N4BP2: variants seen among roughly 807,000 people sequenced by gnomAD.
N4BP2 encodes the protein NEDD4 binding protein 2, also known as NEDD4-binding protein 2.
Under a neutral mutation model 152.8 loss-of-function variants are expected in N4BP2, and 91 were observed. The ratio of observed to expected loss-of-function variants is 0.60; its 90% CI spans 0.50 to 0.71. The LOEUF is 0.71. Among genes scored for constraint, N4BP2 ranks in the 30% least tolerant of loss-of-function variants. The pLI is 0.00. For missense variants in N4BP2, 1,923 were observed against 2,059.1 expected (o/e 0.93, Z 1.28); for synonymous variants, 646 against 705.3 (o/e 0.92, Z 1.33).
At chr4:40,147,289 GAA>G (rs1408622286) in intron 16 of N4BP2, among the ~76,000 whole-genome samples, 6 of 152,150 alleles carry the variant, frequency 3.9e-5, no homozygotes, top group Non-Finnish European at 7.3e-5. Context: ...AGAACAAAAT[GAA>G]AAGTCTCCCA....
At chr4:40,176,130 G>A in the N4BP2 span, among the ~76,000 whole-genome samples, 1 of 150,172 alleles carries the variant, frequency 6.7e-6, no homozygotes, top group Non-Finnish European at 1.5e-5. Flanking sequence ...AACAAATTTT[G>A]ATGATTTTCC....
In N4BP2 at chr4:40,102,396, C is replaced by T. The variant is rs1349460352; in HGVS notation, c.551C>T (p.Ser184Leu). Residue 184 changes from serine (S) to leucine (L), a missense_variant, in exon 4 of 18, where the codon TCA (serine) becomes TTA (leucine). Transcript: ENST00000261435. Reference sequence around the variant, plus strand: ...TCAAGTGAGTTTATAAATCCTGATTCAAGTAATATGACTCCCATTTTTTCT... The same window carrying T: ...TCAAGTGAGTTTATAAATCCTGATTTAAGTAATATGACTCCCATTTTTTCT... ...NDSSEFINPD[S>L]SNMTPIFSTQ... 1.2e-6 allele frequency: 2 copies of T among 1,611,516 alleles called. No individual in the cohort carries two copies. Among genetic ancestry groups the T allele is most frequent in the Non-Finnish European group, 8.5e-7 (1 of 1,178,976 alleles).
intron 1 of N4BP2, among the ~76,000 whole-genome samples, chr4:40,063,693 G>T (rs963625824): frequency 2.0e-5 from 3 of 151,954 alleles, no homozygotes; most frequent in Non-Finnish European, 2.9e-5. Context: ...GCCCAGGCTG[G>T]AGTGCAATGG....
rs1172165587 is a variant in N4BP2 at position 40,131,916 on chromosome 4, A to G, written c.4643A>G (p.His1548Arg). ...QNFLVDIFKD[H>R]NYSLEHTVQF... ...TTTCTGGTGGACATTTTCAAGGACC[A>G]CAAGTGAGTGCTAGAAGGATTGTCT... The change falls in exon 13 of 18, where the codon CAC becomes CGC. Residue 1548 changes from histidine to arginine, a missense_variant. By Grantham distance (29) the His-to-Arg change is conservative. Coordinates refer to ENST00000261435, the MANE Select transcript of N4BP2 (RefSeq NM_018177.6). 5 of 1,551,336 alleles carry G rather than the reference A, an allele frequency of 3.2e-6. No individual in the cohort carries two copies. The Admixed American group carries it at 5.0e-5, about 16-fold the overall frequency.
chr4:40,179,909 C>CA, the N4BP2 span, among the ~76,000 whole-genome samples: 1 of 151,948 alleles, frequency 6.6e-6, no homozygotes, highest in African/African-American at 2.4e-5. Flanking sequence ...GAATTACAGG[C>CA]ATGCGCCACC....
intron 11 of N4BP2, among the ~76,000 whole-genome samples, chr4:40,124,984 A>G (rs1454753505): frequency 6.6e-6 from 1 of 152,196 alleles, no homozygotes; most frequent in African/African-American, 2.4e-5. Flanking sequence ...GACTTCTCTT[A>G]GATAGTGTTG....
At chr4:40,084,511 C>T (rs1713724233) in intron 2 of N4BP2, among the ~76,000 whole-genome samples, 1 of 150,874 alleles carries the variant, frequency 6.6e-6, no homozygotes, top group South Asian at 2.1e-4. Flanking sequence ...TCTCAGCTCA[C>T]TGCAACCTCT....
At chr4:40,165,860 A>C in the N4BP2 span, among the ~76,000 whole-genome samples, 2 of 152,146 alleles carry the variant, frequency 1.3e-5, no homozygotes, top group African/African-American at 4.8e-5. Flanking sequence ...TCTGTCTTCC[A>C]TTCTTATATT....
chr4:40,087,039 G>A (rs1432567266), intron 2 of N4BP2, among the ~76,000 whole-genome samples: 1 of 152,154 alleles, frequency 6.6e-6, no homozygotes, highest in East Asian at 1.9e-4. Flanking sequence ...GTAAGCCATC[G>A]TGCCTGGTGT....
At chr4:40,175,289 C>G in the N4BP2 span, among the ~76,000 whole-genome samples, 4 of 145,122 alleles carry the variant, frequency 2.8e-5, no homozygotes, top group Non-Finnish European at 1.5e-5. Context: ...TCCCAAAGTG[C>G]TAGGATTATA....
intron 5 of N4BP2, among the ~76,000 whole-genome samples, chr4:40,111,558 A>G (rs1387246039): frequency 6.6e-6 from 1 of 151,734 alleles, no homozygotes; most frequent in East Asian, 1.9e-4. Flanking sequence ...TGACCTCATG[A>G]TCCGCCTGAC....
chr4:40,152,741 A>G (rs749878345), intron 16 of N4BP2, 39 bp from the exon 17 acceptor site: 33 of 1,609,558 alleles, frequency 2.1e-5, no homozygotes, highest in South Asian at 1.2e-4. Flanking sequence ...AGAATGTAAG[A>G]TAAATGAATT....
At chr4:40,181,269 T>C in the N4BP2 span, among the ~76,000 whole-genome samples, 3 of 152,224 alleles carry the variant, frequency 2.0e-5, no homozygotes, top group Non-Finnish European at 2.9e-5. Context: ...TTCTTGTCTC[T>C]GTTTTCTTTT....
At chr4:40,138,002 C>G (rs1160816616) in intron 14 of N4BP2, among the ~76,000 whole-genome samples, 1 of 152,100 alleles carries the variant, frequency 6.6e-6, no homozygotes, top group Non-Finnish European at 1.5e-5. Flanking sequence ...TGTTTGTTAT[C>G]TCTAGGAATT....
At chr4:40,162,261 G>C (rs1045220184), downstream of N4BP2, among the ~76,000 whole-genome samples, 1 of 152,162 alleles carries the variant, frequency 6.6e-6, no homozygotes, top group African/African-American at 2.4e-5. Flanking sequence ...CAACACTTCT[G>C]GGGGCGAAGG....
chr4:40,083,610 A>T (rs1713624853), intron 2 of N4BP2, among the ~76,000 whole-genome samples: 1 of 152,210 alleles, frequency 6.6e-6, no homozygotes, highest in Non-Finnish European at 1.5e-5. Flanking sequence ...AATTCTCTTC[A>T]TATAAATGCC....
intron 15 of N4BP2, 75 bp from the exon 16 acceptor site, chr4:40,144,557 G>T: frequency 2.7e-6 from 3 of 1,109,582 alleles, no homozygotes; most frequent in East Asian, 2.5e-5. Flanking sequence ...CCTTTTATTT[G>T]GGGCACTATT....
At chr4:40,152,525 A>G (rs1721234243) in intron 16 of N4BP2, among the ~76,000 whole-genome samples, 2 of 152,188 alleles carry the variant, frequency 1.3e-5, no homozygotes, top group Non-Finnish European at 2.9e-5. Context: ...CTCTTCCCCC[A>G]TAAAGGAAGA....
At chr4:40,062,005 C>T (rs1460435815) in intron 1 of N4BP2, among the ~76,000 whole-genome samples, 1 of 151,452 alleles carries the variant, frequency 6.6e-6, no homozygotes, top group Non-Finnish European at 1.5e-5. Context: ...CATTAATTTG[C>T]TGCTTTATTT....
Sources: gnomAD v4.1 joint callset for allele counts (sites outside exome capture counted in the v4.1 genomes callset) on GRCh38, gnomAD v4.1.1 for gene constraint, MANE v1.5 for transcripts, NCBI Gene and HGNC (gene_info 2026-07-23, HGNC 2026-07-21) for gene names.